EYS: variants seen among roughly 807,000 people sequenced by gnomAD.
EYS encodes EGF-like photoreceptor maintenance factor.
Under a neutral mutation model 282.1 loss-of-function variants are expected in EYS, and 250 were observed. The ratio of observed to expected loss-of-function variants is 0.89; its 90% CI spans 0.80 to 0.98. The LOEUF is 0.98. EYS is among the 50% of genes least tolerant of loss of function. The pLI, the probability that EYS is intolerant of heterozygous loss-of-function variation, is 0.00. For missense variants in EYS, 4,016 were observed against 3,709.0 expected, an observed-to-expected ratio of 1.08 and a Z score of -2.15; for synonymous variants, 1,355 against 1,282.9, an observed-to-expected ratio of 1.06 and a Z score of -1.20.
chr6:64,428,604 GT>G (rs1774484360), intron 28 of EYS, among the ~76,000 whole-genome samples: 2 of 152,062 alleles, frequency 1.3e-5, no homozygotes, highest in African/African-American at 2.4e-5. Context: ...GCTAATCTTT[GT>G]TTCCATAAGT....
intron 19 of EYS, among the ~76,000 whole-genome samples, chr6:64,846,098 C>A (rs1279372863): frequency 6.6e-6 from 1 of 152,118 alleles, no homozygotes; most frequent in African/African-American, 2.4e-5. Flanking sequence ...CTTTCAATAA[C>A]TCTCTGTTTA....
chr6:64,340,395 A>G (rs1216812992), intron 29 of EYS, among the ~76,000 whole-genome samples: 4 of 151,864 alleles, frequency 2.6e-5, no homozygotes, highest in Non-Finnish European at 5.9e-5. Flanking sequence ...GGAAAAGAAT[A>G]GAAAACTCAT....
intron 2 of EYS, among the ~76,000 whole-genome samples, chr6:65,581,489 T>G (rs1373037585): frequency 1.3e-5 from 2 of 152,184 alleles, no homozygotes; most frequent in Non-Finnish European, 2.9e-5. Context: ...GTAAAATTTT[T>G]GCCAGGGAAA....
In EYS at chr6:64,340,790, G is replaced by A. The variant is rs139819216; in HGVS notation, c.6079-33708C>T. ...AAACAAAGTAAATAGCCTACAGAAT[G>A]GGAGAAAATATTTACAAACTATACA... On this transcript the variant is annotated intron_variant, in intron 29 of 42. Coordinates refer to ENST00000503581, the MANE Select transcript of EYS (RefSeq NM_001142800.2). 3.3e-5 allele frequency among the ~76,000 whole-genome samples: 5 copies of A among 151,900 alleles called. No individual in the cohort carries two copies. The East Asian group carries it at 7.8e-4, about 24-fold the overall frequency.
intron 37 of EYS, among the ~76,000 whole-genome samples, chr6:63,790,571 C>G (rs183908874): frequency 7.2e-5 from 11 of 152,312 alleles, no homozygotes; most frequent in Admixed American, 2.0e-4. Context: ...CTGGTGATTT[C>G]TTCCCACCTG....
intron 40 of EYS, among the ~76,000 whole-genome samples, chr6:63,765,124 G>A (rs1003610556): frequency 1.3e-5 from 2 of 151,934 alleles, no homozygotes; most frequent in Admixed American, 6.6e-5. Flanking sequence ...CAAAACAGAG[G>A]TAGGTATCTA....
At chr6:64,467,992 G>T (rs1450135747) in intron 26 of EYS, among the ~76,000 whole-genome samples, 1 of 152,030 alleles carries the variant, frequency 6.6e-6, no homozygotes, top group Non-Finnish European at 1.5e-5. Flanking sequence ...TATACTACTT[G>T]GGGGTCAAGG....
rs535029566 is a variant in EYS at position 64,389,437 on chromosome 6, C to T, written c.5928-597G>A. Among the ~76,000 whole-genome samples, 10 of 152,230 alleles carry T rather than the reference C, an allele frequency of 6.6e-5. 1 individual carries two copies. In the East Asian group the frequency reaches 1.9e-3, roughly 29 times the overall value. ...GTCAATACTTTAACATGTAGATATGCATGTGTCATTTACTCTAGCCATATG... is the reference window on the plus strand; with the variant it reads ...GTCAATACTTTAACATGTAGATATGTATGTGTCATTTACTCTAGCCATATG... On this transcript the variant is annotated intron_variant, in intron 28 of 42. Transcript: ENST00000503581.
chr6:64,025,168 G>A (rs573488121), intron 33 of EYS, among the ~76,000 whole-genome samples: 47 of 152,152 alleles, frequency 3.1e-4, no homozygotes, highest in Admixed American at 1.1e-3. Flanking sequence ...TGCGGCTGCC[G>A]GACTAAAGAC....
At chr6:63,800,182 C>T (rs928266655) in intron 37 of EYS, among the ~76,000 whole-genome samples, 4 of 152,156 alleles carry the variant, frequency 2.6e-5, no homozygotes, top group African/African-American at 9.7e-5. Flanking sequence ...TATATCTTTG[C>T]ATTCAGTGCT....
intron 7 of EYS, among the ~76,000 whole-genome samples, chr6:65,389,292 CT>C (rs1419855518): frequency 3.3e-5 from 5 of 152,142 alleles, no homozygotes; most frequent in Non-Finnish European, 5.9e-5. Context: ...AACTTCATTT[CT>C]GCTACTTCCC....
intron 13 of EYS, among the ~76,000 whole-genome samples, chr6:65,044,111 T>A (rs1171266056): frequency 2.0e-5 from 3 of 151,732 alleles, no homozygotes; most frequent in Non-Finnish European, 4.4e-5. Context: ...TTGTGGTTTT[T>A]ATAATATTTG....
At chr6:64,039,156 A>G (rs893524035) in intron 33 of EYS, among the ~76,000 whole-genome samples, 14 of 152,180 alleles carry the variant, frequency 9.2e-5, no homozygotes, top group African/African-American at 3.4e-4. Flanking sequence ...CAAATACCTG[A>G]CTGACAAATG....
chr6:63,933,012 A>G (rs1368293262), intron 35 of EYS, among the ~76,000 whole-genome samples: 7 of 152,182 alleles, frequency 4.6e-5, no homozygotes, highest in African/African-American at 1.7e-4. Context: ...GAAACACTTT[A>G]CTTATGTTTA....
intron 29 of EYS, among the ~76,000 whole-genome samples, chr6:64,308,193 G>C (rs1008134316): frequency 4.6e-5 from 7 of 151,990 alleles, no homozygotes; most frequent in African/African-American, 1.7e-4. Flanking sequence ...ATAAAGATTT[G>C]TGATATATTT....
intron 19 of EYS, among the ~76,000 whole-genome samples, chr6:64,858,888 T>C (rs1766151217): frequency 1.3e-5 from 2 of 152,282 alleles, no homozygotes; most frequent in Admixed American, 1.3e-4. Context: ...TCATTCTCAA[T>C]GATGAAATGT....
chr6:65,324,170 C>T (rs1476633647), intron 11 of EYS, among the ~76,000 whole-genome samples: 1 of 151,884 alleles, frequency 6.6e-6, no homozygotes, highest in East Asian at 2.0e-4. Flanking sequence ...CTTTCTTTAT[C>T]AATTACCCCG....
chr6:65,578,860 G>GTTCTTGCATATTGACTGAGGCAA (rs1317194378), intron 2 of EYS, among the ~76,000 whole-genome samples: 1 of 152,006 alleles, frequency 6.6e-6, no homozygotes, highest in African/African-American at 2.4e-5. Context: ...TTTATAAAAT[G>GTTCTTGCATATTGACTGAGGCAA]TTCTTGCATA....
intron 12 of EYS, among the ~76,000 whole-genome samples, chr6:65,164,933 G>A (rs1032795480): frequency 1.3e-5 from 2 of 151,216 alleles, no homozygotes; most frequent in Non-Finnish European, 3.0e-5. Context: ...TCAATTAGGG[G>A]CCACCATAAT....
Sources: gnomAD v4.1 joint callset for allele counts (sites outside exome capture counted in the v4.1 genomes callset) on GRCh38, gnomAD v4.1.1 for gene constraint, MANE v1.5 for transcripts, NCBI Gene and HGNC (gene_info 2026-07-23, HGNC 2026-07-21) for gene names.